The following HOMER2 variants were observed in gnomAD, a reference collection of about 807,000 sequenced individuals.
HOMER2 encodes the protein homer protein homolog 2.
In HOMER2, 27 loss-of-function variants were observed where a neutral mutation model predicts 47.0. The observed-to-expected ratio is 0.57, with a 90% confidence interval of 0.42 to 0.79. HOMER2 has a LOEUF of 0.79. HOMER2 is among the 30% of genes least tolerant of loss of function. HOMER2 has a pLI of 0.00. For synonymous variants in HOMER2, 161 were observed against 163.8 expected, an observed-to-expected ratio of 0.98 and a Z score of 0.13; for missense variants, 443 against 435.0, an observed-to-expected ratio of 1.02 and a Z score of -0.16.
At chr15:82,839,263 A>C (rs1052845820) in exon 2 of HOMER2, 1 of 152,242 alleles carries the variant, frequency 6.6e-6, no homozygotes, top group Non-Finnish European at 1.5e-5. Context: ...CTGAGGCAGA[A>C]TATGACCAGA....
intron 3 of HOMER2, among the ~76,000 whole-genome samples, chr15:82,868,542 T>TATATATATATATATATATATATATATATA (rs370867216): frequency 7.0e-4 from 30 of 42,664 alleles, no homozygotes; most frequent in Admixed American, 1.5e-3. Flanking sequence ...TATATATATA[T>TATATATATATATATATATATATATATATA]TTTTTTTTTT....
At chr15:82,862,177 A>G (rs977329443) in intron 4 of HOMER2, among the ~76,000 whole-genome samples, 5 of 151,930 alleles carry the variant, frequency 3.3e-5, no homozygotes, top group African/African-American at 7.3e-5. Context: ...TGCTGAGATT[A>G]CAGGTGTGAG....
chr15:82,870,821 G>C lies in HOMER2; in HGVS notation c.294+4452C>G, dbSNP rs560401115. Among the ~76,000 whole-genome samples, 73 of 152,248 alleles carry C rather than the reference G, an allele frequency of 4.8e-4. 1 individual carries two copies. The Middle Eastern group carries it at 0.02, about 43-fold the overall frequency. ...CAAAAGCAAATGCCATGCACGTATC[G>C]GGGTTTGGCCAGATCAACCATGGTG... On this transcript the variant is annotated intron_variant, in intron 3 of 8. Coordinates refer to ENST00000450735, the MANE Select transcript of HOMER2 (RefSeq NM_004839.4).
At chr15:82,980,537 C>G (rs555910394) in intron 1 of HOMER2, among the ~76,000 whole-genome samples, 61 of 152,300 alleles carry the variant, frequency 4.0e-4, no homozygotes, top group Middle Eastern at 6.8e-3. Flanking sequence ...TGTTGTGCTT[C>G]CTATCTCCAG....
chr15:82,879,019 G>A (rs1786027759), intron 2 of HOMER2, among the ~76,000 whole-genome samples: 1 of 152,106 alleles, frequency 6.6e-6, no homozygotes, highest in Non-Finnish European at 1.5e-5. Context: ...CTGCTTTCCA[G>A]GTCACTAATC....
At chr15:82,910,866 G>C (rs1279002124) in intron 1 of HOMER2, among the ~76,000 whole-genome samples, 1 of 152,128 alleles carries the variant, frequency 6.6e-6, no homozygotes, top group Non-Finnish European at 1.5e-5. Context: ...GTTTCTGTCA[G>C]GGTCAAAGTT....
chr15:82,951,806 G>A lies in HOMER2; in HGVS notation c.5+725C>T, dbSNP rs1051451555. ...AATACGTATGGCAAACCGTCAACGTGTGCCCAAATAGAGTGAGCAGATGTA... is the reference window on the plus strand; with the variant it reads ...AATACGTATGGCAAACCGTCAACGTATGCCCAAATAGAGTGAGCAGATGTA... On this transcript the variant is annotated intron_variant, in intron 1 of 8. Coordinates refer to ENST00000450735, the MANE Select transcript of HOMER2 (RefSeq NM_004839.4). Among the ~76,000 whole-genome samples the A allele has an allele frequency of 5.9e-5, 9 of 152,360 alleles. No individual in the cohort carries two copies. The South Asian group carries it at 1.4e-3, about 25-fold the overall frequency.
At chr15:82,890,010 GC>G (rs1368438834) in intron 2 of HOMER2, among the ~76,000 whole-genome samples, 1 of 152,168 alleles carries the variant, frequency 6.6e-6, no homozygotes, top group East Asian at 1.9e-4. Context: ...GCAGAAGGAG[GC>G]TCTGTCATGG....
chr15:82,955,872 G>A (rs964978964), upstream of HOMER2, among the ~76,000 whole-genome samples: 6 of 152,140 alleles, frequency 3.9e-5, no homozygotes, highest in African/African-American at 7.2e-5. Context: ...TATAAGCTAC[G>A]ATCTGTGTGA....
intron 1 of HOMER2, among the ~76,000 whole-genome samples, chr15:82,894,422 C>T (rs2052832845): frequency 6.6e-6 from 1 of 152,070 alleles, no homozygotes; most frequent in Admixed American, 6.6e-5. Flanking sequence ...AAGCCATCAA[C>T]GTGTAAAAAT....
At chr15:82,966,824 T>C (rs1263655716) in intron 1 of HOMER2, among the ~76,000 whole-genome samples, 3 of 152,236 alleles carry the variant, frequency 2.0e-5, no homozygotes, top group Admixed American at 6.5e-5. Context: ...AATAGCATCT[T>C]GTCCAACTTC....
intron 1 of HOMER2, among the ~76,000 whole-genome samples, chr15:82,950,652 G>A (rs976256470): frequency 6.6e-6 from 1 of 152,196 alleles, no homozygotes; most frequent in Admixed American, 6.5e-5. Flanking sequence ...AAAAATGGCA[G>A]AGGTAGGTAG....
In HOMER2 at chr15:82,849,866, A is replaced by G; in HGVS notation, c.881T>C (p.Val294Ala). ...ERDNQNLEDK[V>A]RSLKTDIEES... ...CTCAATGTCTGTCTTTAAGGAACGC[A>G]CTTTGTCTTCCAGGTTTTGATTGTC... Residue 294 changes from valine to alanine, a missense_variant, in exon 9 of 9, where the codon GTG becomes GCG. Coordinates refer to ENST00000450735, the MANE Select transcript of HOMER2 (RefSeq NM_004839.4). 6.2e-7 allele frequency: 1 copy of G among 1,613,908 alleles called. No homozygotes were observed. The highest frequency in any genetic ancestry group is 8.5e-7 in the Non-Finnish European group (1 of 1,179,838).
chr15:82,872,472 G>C (rs1386012049), intron 3 of HOMER2, among the ~76,000 whole-genome samples: 1 of 152,110 alleles, frequency 6.6e-6, no homozygotes, highest in African/African-American at 2.4e-5. Context: ...AATCTAATCT[G>C]ACTTGCTGCC....
In HOMER2 at chr15:82,849,785, A is replaced by T; in HGVS notation, c.962T>A (p.Val321Glu). Residue 321 changes from valine (V) to glutamate (E), a missense_variant, in exon 9 of 9, where the codon GTG becomes GAG. Transcript: ENST00000450735. ...CAGGTCGTCAATCTTCCCGTCCAGC[A>T]CCTCCAGGAAGCTCTTCAACTCCAC... Reference protein sequence around the residue: ...LKVELKSFLEVLDGKIDDLHD... With the variant: ...LKVELKSFLEELDGKIDDLHD... 1 of 1,613,792 alleles carries T rather than the reference A, an allele frequency of 6.2e-7. No homozygotes were observed. The highest frequency in any genetic ancestry group is 8.5e-7 in the Non-Finnish European group (1 of 1,179,858).
chr15:82,911,445 A>AG (rs1459329753), intron 1 of HOMER2, among the ~76,000 whole-genome samples: 1 of 152,218 alleles, frequency 6.6e-6, no homozygotes, highest in African/African-American at 2.4e-5. Context: ...ATTTAGGTTT[A>AG]GGGGAAAAAA....
chr15:82,860,258 AT>A (rs1363523131), intron 4 of HOMER2, among the ~76,000 whole-genome samples: 1 of 152,294 alleles, frequency 6.6e-6, no homozygotes, highest in East Asian at 1.9e-4. Context: ...AAGGAAAAAA[AT>A]ATTAGTATCT....
chr15:82,880,197 G>C (rs918727003), intron 2 of HOMER2, among the ~76,000 whole-genome samples: 4 of 152,138 alleles, frequency 2.6e-5, no homozygotes, highest in African/African-American at 9.7e-5. Context: ...TTTACATATT[G>C]GTCTATGGCT....
At chr15:82,880,019 A>T (rs2052471457) in intron 2 of HOMER2, among the ~76,000 whole-genome samples, 2 of 152,230 alleles carry the variant, frequency 1.3e-5, no homozygotes, top group Non-Finnish European at 2.9e-5. Context: ...GAACACATAC[A>T]TTATGAGTCT....
Sources: gnomAD v4.1 joint callset for allele counts (sites outside exome capture counted in the v4.1 genomes callset) on GRCh38, gnomAD v4.1.1 for gene constraint, MANE v1.5 for transcripts, NCBI Gene and HGNC (gene_info 2026-07-23, HGNC 2026-07-21) for gene names.